GALR2: variants seen among roughly 807,000 people sequenced by gnomAD.
GALR2 encodes galanin receptor type 2.
Under a neutral mutation model 7.2 loss-of-function variants are expected in GALR2, and 5 were observed. That is an observed-to-expected ratio of 0.69 (90% CI 0.36 to 1.45). The LOEUF (loss-of-function observed/expected upper bound fraction) is 1.45. Among genes scored for constraint, GALR2 ranks in the 40% most tolerant of loss-of-function variants. The pLI, the probability that GALR2 is intolerant of heterozygous loss-of-function variation, is 0.03. For missense variants in GALR2, 561 were observed against 555.7 expected, an observed-to-expected ratio of 1.01 and a Z score of -0.10; for synonymous variants, 300 against 263.9, an observed-to-expected ratio of 1.14 and a Z score of -1.32.
upstream of GALR2, chr17:76,072,423 G>A (rs749292484): frequency 1.9e-6 from 3 of 1,584,578 alleles, no homozygotes; most frequent in Non-Finnish European, 1.7e-6. This position sits in a 1 kb window ranked among gnomAD's most constrained non-coding sequence, Gnocchi z 4.5. Context: ...TACCGCCGCC[G>A]CCACTGCCAC....
At position 76,074,842 on chromosome 17, in the gene GALR2, G is replaced by A. The variant is rs779956189; in HGVS notation, c.-42G>A. On this transcript the variant is annotated 5_prime_UTR_variant, in exon 1 of 2. Coordinates refer to ENST00000329003, the MANE Select transcript of GALR2 (RefSeq NM_003857.4). This position sits in a 1 kb window ranked among gnomAD's most constrained non-coding sequence, Gnocchi z 6.7. ...GGAGCTTCCCGCTCGCGGAGACCCA[G>A]ACGGCTGCAGGAGCCCGGGCAGCCT... is the stretch of plus-strand genomic sequence containing the variant. The A allele has an allele frequency of 2.5e-4, 367 of 1,455,650 alleles. No individual in the cohort carries two copies. The highest frequency in any genetic ancestry group is 3.1e-4 in the Non-Finnish European group (347 of 1,109,470). The allele number at this position is 1,455,650 out of a possible 1,614,324, so 90.2% of individuals were successfully genotyped here.
upstream of GALR2, chr17:76,072,429 GCCA>G (rs2066861897): frequency 6.4e-7 from 1 of 1,570,766 alleles, no homozygotes; most frequent in South Asian, 1.1e-5. This position sits in a 1 kb window ranked among gnomAD's most constrained non-coding sequence, Gnocchi z 4.5. Context: ...CGCCGCCACT[GCCA>G]CCGCCGCCGC....
chr17:76,077,537 A>G lies in GALR2; in HGVS notation c.*106A>G. 1 of 1,028,234 alleles carries G rather than the reference A, an allele frequency of 9.7e-7. No homozygotes were observed. The highest frequency in any genetic ancestry group is 2.7e-5 in the East Asian group (1 of 37,382). The allele number at this position is 1,028,234 out of a possible 1,614,324, so 63.7% of individuals were successfully genotyped here. On this transcript the variant is annotated 3_prime_UTR_variant, in exon 2 of 2. Transcript: ENST00000329003. ...AAAACGCACAAACCATTTCACACAC[A>G]GTGACAGCGCTGTTTCGCGTTTCTC...
chr17:76,075,198 C>A lies in GALR2; in HGVS notation c.315C>A (p.Ile105=). 6.2e-7 allele frequency: 1 copy of A among 1,610,190 alleles called. No individual in the cohort carries two copies. Among genetic ancestry groups the A allele is most frequent in the Non-Finnish European group, 8.5e-7 (1 of 1,179,942 alleles). Residue 105 remains isoleucine (I), a synonymous_variant, in exon 1 of 2, where the codon ATC becomes ATA. Transcript: ENST00000329003. The surrounding 1 kb of genome is among the most constrained non-coding windows in gnomAD (Gnocchi z 5.9). ...TGTGCAAGGCGGTGCACTTCCTCAT[C>A]TTCCTCACCATGCACGCCAGCAGCT... is the stretch of plus-strand genomic sequence containing the variant. The part of the protein sequence containing the change: ...SLLCKAVHFL[I]FLTMHASSFT...
rs1335970292 is a variant in GALR2, at chr17:76,075,785, C to G, written c.368+534C>G. Among the ~76,000 whole-genome samples the G allele has an allele frequency of 2.0e-5, 3 of 152,304 alleles. No homozygotes were observed. The highest frequency in any genetic ancestry group is 4.4e-5 in the Non-Finnish European group (3 of 68,030). On this transcript the variant is annotated intron_variant, in intron 1 of 1. Transcript: ENST00000329003. This position sits in a 1 kb window ranked among gnomAD's most constrained non-coding sequence, Gnocchi z 5.9. ...TGGATCTTGGGTCCTTTGCAAGGAT[C>G]CACTCCGGAGTCCCAGCGAGCGTGC...
Position 76,076,851 on chromosome 17 carries a change from G to T in GALR2, c.584G>T (p.Ser195Ile). 6.2e-7 allele frequency: 1 copy of T among 1,604,820 alleles called. No homozygotes were observed. Among genetic ancestry groups the T allele is most frequent in the Non-Finnish European group, 8.5e-7 (1 of 1,179,412 alleles). Residue 195 changes from serine (S) to isoleucine (I), a missense_variant, in exon 2 of 2, where the codon AGC becomes ATC. Ser to Ile is a moderately radical substitution (Grantham distance 142, BLOSUM62 -2). Transcript: ENST00000329003. This position sits in a 1 kb window ranked among gnomAD's most constrained non-coding sequence, Gnocchi z 6.5. ...RAMDICTFVF[S>I]YLLPVLVLGL... is the part of the protein sequence containing the mutation. ...ATGGACATCTGCACCTTCGTCTTCA[G>T]CTACCTGCTTCCTGTGCTGGTTCTC...
At position 76,075,300 on chromosome 17, in the gene GALR2, A is replaced by T. The variant is rs1250080101; in HGVS notation, c.368+49A>T. 1 of 1,560,022 alleles carries T rather than the reference A, an allele frequency of 6.4e-7. No individual in the cohort carries two copies. Among genetic ancestry groups the T allele is most frequent in the South Asian group, 1.2e-5 (1 of 84,782 alleles). ...TGGGAGATGGGCATCCACGCGGGGG[A>T]TGGAGCGGGAGGCGGGACTGGGGAC... On this transcript the variant is annotated intron_variant, in intron 1 of 1. Coordinates refer to ENST00000329003, the MANE Select transcript of GALR2 (RefSeq NM_003857.4). This position sits in a 1 kb window ranked among gnomAD's most constrained non-coding sequence, Gnocchi z 5.9.
Position 76,074,791 on chromosome 17 carries a change from T to C in GALR2, c.-93T>C. 1.5e-6 allele frequency: 2 copies of C among 1,325,936 alleles called. 1 individual carries two copies. Among genetic ancestry groups the C allele is most frequent in the South Asian group, 3.1e-5 (2 of 64,594 alleles). 82.1% of individuals were successfully genotyped at this position (1,325,936 alleles called of 1,614,324 possible). A position where few individuals can be genotyped will look rare whatever the true frequency, so the allele number is the denominator to read the frequency against. Reference sequence around the variant, plus strand: ...CGCCTTCAGCCCGGCAGAGTCGCACTAGGAGTTGCAGCGGCCGCAGCCCCG... The same window carrying C: ...CGCCTTCAGCCCGGCAGAGTCGCACCAGGAGTTGCAGCGGCCGCAGCCCCG... On this transcript the variant is annotated 5_prime_UTR_variant, in exon 1 of 2. Coordinates refer to ENST00000329003, the MANE Select transcript of GALR2 (RefSeq NM_003857.4). The surrounding 1 kb of genome is among the most constrained non-coding windows in gnomAD (Gnocchi z 6.7).
At chr17:76,072,151 C>T, upstream of GALR2, 1 of 1,408,580 alleles carries the variant, frequency 7.1e-7, no homozygotes, top group Non-Finnish European at 9.6e-7. The surrounding 1 kb of genome is among the most constrained non-coding windows in gnomAD (Gnocchi z 4.5). Context: ...GAGACAGACC[C>T]CCCCCGGAAT....
chr17:76,074,898 C>A lies in GALR2; in HGVS notation c.15C>A (p.Gly5=). ...TCAGCGGCACCATGAACGTCTCGGGCTGCCCAGGGGCCGGGAACGCGAGCC... is the reference window on the plus strand; with the variant it reads ...TCAGCGGCACCATGAACGTCTCGGGATGCCCAGGGGCCGGGAACGCGAGCC... MNVS[G]CPGAGNASQA... The change falls in exon 1 of 2, where the codon GGC becomes GGA. Residue 5 remains glycine (G), a synonymous_variant. Transcript: ENST00000329003. This position sits in a 1 kb window ranked among gnomAD's most constrained non-coding sequence, Gnocchi z 6.7. The A allele has an allele frequency of 6.5e-7, 1 of 1,531,070 alleles. No individual in the cohort carries two copies. The highest frequency in any genetic ancestry group is 8.7e-7 in the Non-Finnish European group (1 of 1,145,294). 94.8% of individuals were successfully genotyped at this position (1,531,070 alleles called of 1,614,324 possible). A position where few individuals can be genotyped will look rare whatever the true frequency, so the allele number is the denominator to read the frequency against.
chr17:76,071,979 G>C, upstream of GALR2: 1 of 446,112 alleles, frequency 2.2e-6, no homozygotes, highest in Non-Finnish European at 4.0e-6. This position sits in a 1 kb window ranked among gnomAD's most constrained non-coding sequence, Gnocchi z 4.7. Flanking sequence ...CAGTTCAGTG[G>C]CTCAAGGTGC....
upstream of GALR2, chr17:76,072,534 G>C: frequency 6.4e-7 from 1 of 1,557,834 alleles, no homozygotes; most frequent in East Asian, 2.3e-5. This position sits in a 1 kb window ranked among gnomAD's most constrained non-coding sequence, Gnocchi z 4.5. Flanking sequence ...GGGGAGGCGG[G>C]ACGACCTGGG....
Position 76,075,217 on chromosome 17 carries a change from A to G in GALR2, c.334A>G (p.Ser112Gly). 1 of 1,607,392 alleles carries G rather than the reference A, an allele frequency of 6.2e-7. No homozygotes were observed. The highest frequency in any genetic ancestry group is 1.3e-5 in the African/African-American group (1 of 75,010). The change falls in exon 1 of 2, where the codon AGC (serine) becomes GGC (glycine). Residue 112 changes from serine to glycine, a missense_variant. Physicochemically the swap from Ser to Gly is moderately conservative, Grantham distance 56. Coordinates refer to ENST00000329003, the MANE Select transcript of GALR2 (RefSeq NM_003857.4). This position sits in a 1 kb window ranked among gnomAD's most constrained non-coding sequence, Gnocchi z 5.9. ...HFLIFLTMHA[S>G]SFTLAAVSLD... ...CCTCATCTTCCTCACCATGCACGCC[A>G]GCAGCTTCACGCTGGCCGCCGTCTC...
In GALR2 at chr17:76,076,170, C is replaced by T. The variant is rs576081439; in HGVS notation, c.369-466C>T. Among the ~76,000 whole-genome samples, 6 of 152,364 alleles carry T rather than the reference C, an allele frequency of 3.9e-5. No individual in the cohort carries two copies. In the South Asian group the frequency reaches 1.2e-3, roughly 32 times the overall value. ...AAGCTCGCATTCTCTCAGGAATCCC[C>T]TGAGAAATTAACTGTCCCTTGCCCA... On this transcript the variant is annotated intron_variant, in intron 1 of 1. Coordinates refer to ENST00000329003, the MANE Select transcript of GALR2 (RefSeq NM_003857.4). The surrounding 1 kb of genome is among the most constrained non-coding windows in gnomAD (Gnocchi z 6.5).
chr17:76,075,118 G>C lies in GALR2; in HGVS notation c.235G>C (p.Val79Leu). ...CGACCTGTGTTTCATCCTGTGCTGC[G>C]TGCCCTTCCAGGCCACCATCTACAC... Reference protein sequence around the residue: ...VADLCFILCCVPFQATIYTLD... With the variant: ...VADLCFILCCLPFQATIYTLD... The change falls in exon 1 of 2, where the codon GTG becomes CTG. Residue 79 changes from valine (V) to leucine (L), a missense_variant. By Grantham distance (32) the Val-to-Leu change is conservative (BLOSUM62 1). Transcript: ENST00000329003. This position sits in a 1 kb window ranked among gnomAD's most constrained non-coding sequence, Gnocchi z 5.9. 6.2e-7 allele frequency: 1 copy of C among 1,612,434 alleles called. No individual in the cohort carries two copies.
chr17:76,074,766 C>G, upstream of GALR2: 1 of 1,153,960 alleles, frequency 8.7e-7, no homozygotes, highest in Non-Finnish European at 1.2e-6. This position sits in a 1 kb window ranked among gnomAD's most constrained non-coding sequence, Gnocchi z 6.7. Flanking sequence ...AGGCTCCCTC[C>G]GCCTTCAGCC....
chr17:76,072,034 C>G, upstream of GALR2: 1 of 573,258 alleles, frequency 1.7e-6, no homozygotes, highest in Non-Finnish European at 3.0e-6. The surrounding 1 kb of genome is among the most constrained non-coding windows in gnomAD (Gnocchi z 4.5). Context: ...AGCCCTCCAA[C>G]TGGACAACTG....
At chr17:76,074,731 C>A, upstream of GALR2, 3 of 788,358 alleles carry the variant, frequency 3.8e-6, no homozygotes, top group Non-Finnish European at 5.8e-6. The surrounding 1 kb of genome is among the most constrained non-coding windows in gnomAD (Gnocchi z 6.7). Flanking sequence ...CCCAGCGCAC[C>A]CCCATCCCCG....
In GALR2 at chr17:76,077,360, G is replaced by A; in HGVS notation, c.1093G>A (p.Glu365Lys). The A allele has an allele frequency of 1.3e-6, 2 of 1,533,516 alleles. No homozygotes were observed. The highest frequency in any genetic ancestry group is 1.2e-5 in the South Asian group (1 of 81,606). The allele number at this position is 1,533,516 out of a possible 1,614,324, so 95.0% of individuals were successfully genotyped here. A position where few individuals can be genotyped will look rare whatever the true frequency, so the allele number is the denominator to read the frequency against. The part of the protein sequence containing the change: ...CPGASQPCIL[E>K]PCPGPSWQGP... ...CGGCGCTTCCCAGCCATGCATCCTC[G>A]AGCCCTGTCCTGGCCCGTCCTGGCA... Residue 365 changes from glutamate to lysine, a missense_variant, in exon 2 of 2, where the codon GAG becomes AAG. Physicochemically the swap from Glu to Lys is moderately conservative, Grantham distance 56. Transcript: ENST00000329003.
Sources: allele counts gnomAD v4.1 joint callset (sites outside exome capture counted in the v4.1 genomes callset), GRCh38; gene constraint gnomAD v4.1.1; non-coding constraint Gnocchi (gnomAD v3.1); transcripts MANE v1.5; gene names NCBI Gene and HGNC (gene_info 2026-07-23, HGNC 2026-07-21).